Variants in MARS1 observed in about 807,000 individuals in gnomAD.
MARS1 encodes methionyl-tRNA synthetase 1.
In MARS1, 80 loss-of-function variants were observed where a neutral mutation model predicts 119.5. The observed-to-expected ratio is 0.67, with a 90% CI of 0.56 to 0.81. MARS1 has a LOEUF of 0.81. Among genes scored for constraint, MARS1 ranks in the 30% least tolerant of loss-of-function variants. MARS1 has a pLI of 0.00. For synonymous variants in MARS1, 418 were observed against 433.4 expected, an observed-to-expected ratio of 0.96 and a Z score of 0.44; for missense variants, 945 against 1,116.5, an observed-to-expected ratio of 0.85 and a Z score of 2.19.
intron 9 of MARS1, among the ~76,000 whole-genome samples, chr12:57,499,477 G>C (rs1178208594): frequency 6.6e-6 from 1 of 150,644 alleles, no homozygotes; most frequent in Admixed American, 6.6e-5. Context: ...GGTGGTGGGC[G>C]CCTGTAGTCC....
intron 15 of MARS1, 85 bp from the exon 16 acceptor site, chr12:57,514,635 T>TG: frequency 6.4e-7 from 1 of 1,557,432 alleles, no homozygotes; most frequent in Non-Finnish European, 8.8e-7. Context: ...TGTACAGCTG[T>TG]GGAAATTGGG....
chr12:57,516,405 C>A (rs1426072589), intron 20 of MARS1, 30 bp from the exon 21 acceptor site: 2 of 1,611,838 alleles, frequency 1.2e-6, no homozygotes, highest in African/African-American at 2.7e-5. Context: ...TCTTGCCTCA[C>A]TGTTACCTCC....
Position 57,489,890 on chromosome 12 carries a change from A to G in MARS1, c.415-6A>G. On this transcript the variant is annotated splice_region_variant and splice_polypyrimidine_tract_variant and intron_variant, in intron 4 of 20. Transcript: ENST00000262027. ...TGTACATTTTCCTTTTCTATCCCCA[A>G]CAAAGGAGACAGAATCTCTAGCCGA... 6.2e-7 allele frequency: 1 copy of G among 1,613,634 alleles called. No homozygotes were observed. Among genetic ancestry groups the G allele is most frequent in the East Asian group, 2.2e-5 (1 of 44,884 alleles).
intron 7 of MARS1, among the ~76,000 whole-genome samples, chr12:57,492,669 T>A (rs1876038042): frequency 7.2e-6 from 1 of 139,446 alleles, no homozygotes; most frequent in South Asian, 2.4e-4. Context: ...CGACTCCATT[T>A]CACACACACA....
At position 57,515,019 on chromosome 12, in the gene MARS1, A is replaced by G. The variant is rs1322543369; in HGVS notation, c.2165A>G (p.Asn722Ser). ...CATGGCAACCAATATATTCAGGTGA[A>G]TGAGCCCTGGAAGCGGATTAAAGGC... ...SRHGNQYIQV[N>S]EPWKRIKGSE... Residue 722 changes from asparagine to serine, a missense_variant, in exon 17 of 21, where the codon AAT (asparagine) becomes AGT (serine). Transcript: ENST00000262027. The G allele has an allele frequency of 3.7e-6, 6 of 1,614,080 alleles. No individual in the cohort carries two copies. The African/African-American group carries it at 8.0e-5, about 22-fold the overall frequency.
chr12:57,490,401 T>G (rs902330817), intron 6 of MARS1, 22 bp downstream of exon 6: 1 of 1,611,760 alleles, frequency 6.2e-7, no homozygotes, highest in African/African-American at 1.3e-5. Flanking sequence ...GGCAGAGCCT[T>G]GGGGCCTGAG....
chr12:57,493,677 T>TAATATAA (rs1876289628), intron 7 of MARS1, among the ~76,000 whole-genome samples: 1 of 1,870 alleles, frequency 5.3e-4, no homozygotes, highest in African/African-American at 1.2e-3. Context: ...ATTATATATA[T>TAATATAA]TATATATAAT....
In MARS1 at chr12:57,512,273, C is replaced by A. The variant is rs771808261; in HGVS notation, c.1673C>A (p.Pro558His). ...LYQFMAKDNV[P>H]FHSLVFPCSA... is the part of the protein sequence containing the mutation. Reference sequence around the variant, plus strand: ...CAGTTCATGGCCAAAGACAATGTTCCTTTCCATAGCTTAGTCTTTCCTTGC... The same window carrying A: ...CAGTTCATGGCCAAAGACAATGTTCATTTCCATAGCTTAGTCTTTCCTTGC... The change falls in exon 14 of 21, where the codon CCT becomes CAT. Residue 558 changes from proline to histidine, a missense_variant. Physicochemically the swap from Pro to His is moderately conservative, Grantham distance 77. Transcript: ENST00000262027. 4.2e-5 allele frequency: 67 copies of A among 1,614,030 alleles called. No homozygotes were observed. Among genetic ancestry groups the A allele is most frequent in the Non-Finnish European group, 5.3e-5 (63 of 1,180,036 alleles).
chr12:57,511,645 G>T (rs1323333912), intron 11 of MARS1, 53 bp from the exon 12 acceptor site: 1 of 1,596,222 alleles, frequency 6.3e-7, no homozygotes, highest in African/African-American at 1.3e-5. Context: ...TTATCCTTAT[G>T]CTAACCATAT....
chr12:57,488,955 G>A (rs897761939), intron 1 of MARS1, 64 bp from the exon 2 acceptor site: 4 of 1,290,124 alleles, frequency 3.1e-6, no homozygotes, highest in Non-Finnish European at 4.5e-6. Context: ...GTTATCCTAA[G>A]TTGACAAAGT....
intron 11 of MARS1, among the ~76,000 whole-genome samples, chr12:57,504,695 ATTTTTTTTTTTTTT>A (rs34351056): frequency 1.2e-5 from 1 of 83,602 alleles, no homozygotes; most frequent in Non-Finnish European, 2.1e-5. Context: ...TGCCTGACTG[ATTTTTTTTTTTTTT>A]TTTTTTTTTT....
In MARS1 at chr12:57,514,974, G is replaced by C; in HGVS notation, c.2120G>C (p.Ser707Thr). The C allele has an allele frequency of 6.2e-7, 1 of 1,614,208 alleles. No individual in the cohort carries two copies. Among genetic ancestry groups the C allele is most frequent in the Non-Finnish European group, 8.5e-7 (1 of 1,180,040 alleles). Residue 707 changes from serine (S) to threonine (T), a missense_variant, in exon 17 of 21, where the codon AGT becomes ACT. Transcript: ENST00000262027. ...CCCAGGATCCGGGATGCCTTGCGCA[G>C]TATCCTCACCATATCTCGACATGGC... ...EKVRIRDALRSILTISRHGNQ... is the reference protein window; with the variant it reads ...EKVRIRDALRTILTISRHGNQ...
chr12:57,498,385 C>CG (rs1876745575), intron 8 of MARS1, 35 bp from the exon 9 acceptor site: 3 of 1,606,018 alleles, frequency 1.9e-6, no homozygotes, highest in Non-Finnish European at 2.6e-6. Context: ...AGCGCTGAAG[C>CG]GGGGCCCCCT....
chr12:57,508,265 A>C (rs1594829136), intron 11 of MARS1, among the ~76,000 whole-genome samples: 2 of 152,368 alleles, frequency 1.3e-5, no homozygotes, highest in South Asian at 4.1e-4. Context: ...GGGTGGCGGC[A>C]CGGCAGAGGC....
intron 11 of MARS1, among the ~76,000 whole-genome samples, 172 bp downstream of exon 11, chr12:57,504,471 A>G (rs1294863801): frequency 6.6e-6 from 1 of 152,190 alleles, no homozygotes; most frequent in Non-Finnish European, 1.5e-5. Flanking sequence ...TGAAAGCCCC[A>G]GGCCCACTTG....
At chr12:57,492,672 C>T (rs1353178188) in intron 7 of MARS1, among the ~76,000 whole-genome samples, 15 of 10,794 alleles carry the variant, frequency 1.4e-3, no homozygotes, top group African/African-American at 5.3e-3. Context: ...CTCCATTTCA[C>T]ACACACACAC....
intron 11 of MARS1, among the ~76,000 whole-genome samples, chr12:57,510,604 TA>T (rs767292746): frequency 1.8e-3 from 251 of 141,474 alleles, no homozygotes; most frequent in Non-Finnish European, 1.7e-3. Flanking sequence ...CACCCTACCT[TA>T]AAAAAAAAAA....
chr12:57,490,513 A>G (rs1334604818), intron 6 of MARS1, 25 bp from the exon 7 acceptor site: 11 of 1,612,668 alleles, frequency 6.8e-6, no homozygotes, highest in Non-Finnish European at 9.3e-6. Context: ...CTCACCTGGT[A>G]AGGGATTCTC....
At position 57,516,641 on chromosome 12, in the gene MARS1, A is replaced by T. The variant is rs915453177; in HGVS notation, c.*60A>T. ...TAGGGACAGTAATAAATAAATGTAC[A>T]ATCTCTATATACAAGCTGAGACCTT... is the stretch of plus-strand genomic sequence containing the variant. On this transcript the variant is annotated 3_prime_UTR_variant, in exon 21 of 21. Coordinates refer to ENST00000262027, the MANE Select transcript of MARS1 (RefSeq NM_004990.4). 3 of 1,529,374 alleles carry T rather than the reference A, an allele frequency of 2.0e-6. No individual in the cohort carries two copies. Among genetic ancestry groups the T allele is most frequent in the Non-Finnish European group, 8.8e-7 (1 of 1,142,510 alleles). 94.7% of individuals were successfully genotyped at this position (1,529,374 alleles called of 1,614,324 possible). A position where few individuals can be genotyped will look rare whatever the true frequency, so the allele number is the denominator to read the frequency against.
Sources: allele counts gnomAD v4.1 joint callset (sites outside exome capture counted in the v4.1 genomes callset), GRCh38; gene constraint gnomAD v4.1.1; transcripts MANE v1.5; gene names NCBI Gene and HGNC (gene_info 2026-07-23, HGNC 2026-07-21).